The following PEBP4 variants were observed in gnomAD, a reference collection of about 807,000 sequenced individuals.
PEBP4 encodes the protein phosphatidylethanolamine-binding protein 4.
PEBP4 carries 22 observed loss-of-function variants against 23.9 expected under a neutral mutation model. That is an observed-to-expected ratio of 0.92 (90% CI 0.66 to 1.31). PEBP4 has a LOEUF of 1.31. Among genes scored for constraint, PEBP4 ranks in the 40% most tolerant of loss-of-function variants. The probability of loss-of-function intolerance (pLI) is 0.00; values close to 1 mark genes in which losing one functional copy is unlikely to be tolerated. For missense variants in PEBP4, 324 were observed against 281.7 expected (o/e 1.15, Z -1.07); for synonymous variants, 112 against 99.3 (o/e 1.13, Z -0.76).
chr8:22,881,825 C>T (rs539627795), intron 3 of PEBP4, among the ~76,000 whole-genome samples: 16 of 152,288 alleles, frequency 1.1e-4, no homozygotes, highest in South Asian at 2.1e-4. Flanking sequence ...CTTGTGTGGC[C>T]GTGAGCAGGT....
chr8:22,799,780 A>G (rs1806342499), intron 4 of PEBP4, among the ~76,000 whole-genome samples: 1 of 151,742 alleles, frequency 6.6e-6, no homozygotes, highest in Non-Finnish European at 1.5e-5. Flanking sequence ...TTCAATTCCC[A>G]CCTATGAGTG....
intron 3 of PEBP4, among the ~76,000 whole-genome samples, chr8:22,910,922 G>A (rs1415137888): frequency 6.8e-6 from 1 of 148,032 alleles, no homozygotes; most frequent in South Asian, 2.1e-4. Flanking sequence ...CCAAGAGTGA[G>A]CCCTAATGTG....
upstream of PEBP4, chr8:22,928,054 C>T (rs545404540): frequency 4.4e-5 from 12 of 270,760 alleles, no homozygotes; most frequent in Non-Finnish European, 7.0e-5. Flanking sequence ...ATAAGCTCCT[C>T]GGTGCAGCTC....
chr8:22,843,311 G>A (rs916838003), intron 3 of PEBP4, among the ~76,000 whole-genome samples: 1 of 152,226 alleles, frequency 6.6e-6, no homozygotes, highest in Admixed American at 6.5e-5. Context: ...TATGTTGCTG[G>A]TCTGGTTAGC....
rs560232405 is a variant in PEBP4 at position 22,855,048 on chromosome 8, A to G, written c.259-37313T>C. On this transcript the variant is annotated intron_variant, in intron 3 of 6. Transcript: ENST00000256404. ...CACACACACACACACACACACATGC[A>G]CCCCAGGAAAGAAAGGCGTTTTTTA... 1.3e-4 allele frequency among the ~76,000 whole-genome samples: 19 copies of G among 149,208 alleles called. No homozygotes were observed. In the East Asian group the frequency reaches 2.8e-3, roughly 22 times the overall value.
At chr8:22,739,968 A>G (rs1804955043) in intron 4 of PEBP4, among the ~76,000 whole-genome samples, 1 of 152,202 alleles carries the variant, frequency 6.6e-6, no homozygotes, top group Non-Finnish European at 1.5e-5. Flanking sequence ...GAAGGCTGGT[A>G]GCAGCAGGTG....
chr8:22,901,160 G>C (rs140315496), intron 3 of PEBP4, among the ~76,000 whole-genome samples: 99 of 152,208 alleles, frequency 6.5e-4, no homozygotes, highest in Admixed American at 1.6e-3. Flanking sequence ...ATATTCCACG[G>C]ACAGGCCTGG....
At chr8:22,860,838 C>T (rs1807766279) in intron 3 of PEBP4, among the ~76,000 whole-genome samples, 1 of 152,190 alleles carries the variant, frequency 6.6e-6, no homozygotes, top group African/African-American at 2.4e-5. Context: ...TTACTGAGCA[C>T]ACTGCAGGTG....
intron 5 of PEBP4, 29 bp from the exon 6 acceptor site, chr8:22,724,985 C>T: frequency 6.4e-7 from 1 of 1,558,924 alleles, no homozygotes; most frequent in Non-Finnish European, 8.8e-7. Context: ...GAGAGGTGAG[C>T]ATCAACATCC....
At chr8:22,773,453 G>A (rs1433146310) in intron 4 of PEBP4, among the ~76,000 whole-genome samples, 2 of 152,150 alleles carry the variant, frequency 1.3e-5, no homozygotes, top group African/African-American at 2.4e-5. Flanking sequence ...GGGAGATGAG[G>A]GGATGGGGAA....
chr8:22,917,849 T>C (rs765248900), intron 3 of PEBP4, among the ~76,000 whole-genome samples: 5 of 152,180 alleles, frequency 3.3e-5, no homozygotes, highest in Non-Finnish European at 5.9e-5. Context: ...GGTTGACAAA[T>C]TGGTCAAACA....
intron 1 of PEBP4, among the ~76,000 whole-genome samples, chr8:22,938,514 A>T (rs528302052): frequency 1.3e-5 from 2 of 151,968 alleles, no homozygotes; most frequent in South Asian, 4.1e-4. Context: ...TTGTTTATTT[A>T]CTTGTATTTC....
intron 3 of PEBP4, among the ~76,000 whole-genome samples, chr8:22,840,553 G>A (rs150256810): frequency 6.6e-6 from 1 of 152,088 alleles, no homozygotes; most frequent in African/African-American, 2.4e-5. Flanking sequence ...TGGTTCTTTT[G>A]TTAGGGAATT....
At chr8:22,793,506 C>T (rs1806183391) in intron 4 of PEBP4, among the ~76,000 whole-genome samples, 1 of 150,402 alleles carries the variant, frequency 6.6e-6, no homozygotes, top group Non-Finnish European at 1.5e-5. Flanking sequence ...GTCTCGAACT[C>T]CTGACCTCAA....
At chr8:22,735,492 G>A (rs1804840410) in intron 4 of PEBP4, among the ~76,000 whole-genome samples, 1 of 152,214 alleles carries the variant, frequency 6.6e-6, no homozygotes, top group Non-Finnish European at 1.5e-5. Context: ...GAACCAGCAT[G>A]TGAGTCTTCA....
chr8:22,813,686 G>C (rs915989014), intron 4 of PEBP4, among the ~76,000 whole-genome samples: 1 of 152,192 alleles, frequency 6.6e-6, no homozygotes, highest in Non-Finnish European at 1.5e-5. Flanking sequence ...CACTGCAGTC[G>C]GGGAGAAAGA....
At chr8:22,771,471 G>A (rs142530372) in intron 4 of PEBP4, among the ~76,000 whole-genome samples, 4,321 of 152,158 alleles carry the variant, frequency 0.028, 73 homozygotes, top group South Asian at 0.084. Context: ...CCTGGGTGAC[G>A]GAGTGAGAGT....
At chr8:22,713,932 C>A (rs1466560493) in intron 6 of PEBP4, among the ~76,000 whole-genome samples, 1 of 152,250 alleles carries the variant, frequency 6.6e-6, no homozygotes, top group African/African-American at 2.4e-5. Context: ...TCCCCTGACC[C>A]CAGGACAGGA....
chr8:22,831,694 A>T (rs1807086195), intron 3 of PEBP4, among the ~76,000 whole-genome samples: 1 of 152,094 alleles, frequency 6.6e-6, no homozygotes, highest in Non-Finnish European at 1.5e-5. Context: ...GACGTGATGG[A>T]CCCTGCTCAG....
Sources: gnomAD v4.1 joint callset for allele counts (sites outside exome capture counted in the v4.1 genomes callset) on GRCh38, gnomAD v4.1.1 for gene constraint, MANE v1.5 for transcripts, NCBI Gene and HGNC (gene_info 2026-07-23, HGNC 2026-07-21) for gene names.